XPNPEP3: variants seen among roughly 807,000 people sequenced by gnomAD.
XPNPEP3 encodes X-prolyl aminopeptidase 3, also known as xaa-Pro aminopeptidase 3.
XPNPEP3 carries 41 observed loss-of-function variants against 60.0 expected under a neutral mutation model. That is an observed-to-expected ratio of 0.68 (90% confidence interval 0.53 to 0.89). The LOEUF (loss-of-function observed/expected upper bound fraction) is 0.89, where lower values mean the gene tolerates loss of function less well. Ranked by LOEUF, XPNPEP3 falls within the 40% of genes least tolerant of loss-of-function variation. The pLI is 0.00. For synonymous variants in XPNPEP3, 212 were observed against 223.2 expected (o/e 0.95, Z 0.45); for missense variants, 598 against 638.9 (o/e 0.94, Z 0.69).
intron 1 of XPNPEP3, 128 bp downstream of exon 1, chr22:40,857,373 C>T (rs569891723): frequency 1.9e-6 from 2 of 1,057,894 alleles, no homozygotes; most frequent in East Asian, 2.6e-5. Context: ...CTCTGTGCTC[C>T]GCGGATTTCT....
chr22:40,868,827 C>G (rs761734820), intron 1 of XPNPEP3, among the ~76,000 whole-genome samples, 172 bp from the exon 2 acceptor site: 2 of 151,614 alleles, frequency 1.3e-5, no homozygotes, highest in Non-Finnish European at 1.5e-5. Context: ...GCCTGGGTGA[C>G]AGAGTGAGAC....
intron 2 of XPNPEP3, among the ~76,000 whole-genome samples, chr22:40,881,023 A>G (rs1226043484): frequency 2.0e-5 from 3 of 152,012 alleles, no homozygotes; most frequent in African/African-American, 7.3e-5. Context: ...TATGTGACAT[A>G]CCAAAAACTC....
At chr22:40,901,458 C>CTGAGA (rs1190319660) in intron 4 of XPNPEP3, among the ~76,000 whole-genome samples, 1 of 152,106 alleles carries the variant, frequency 6.6e-6, no homozygotes, top group Non-Finnish European at 1.5e-5. Flanking sequence ...TGGTCTCTAA[C>CTGAGA]TCCCGAACTC....
At chr22:40,916,137 C>T (rs980126820) in intron 7 of XPNPEP3, among the ~76,000 whole-genome samples, 1 of 151,752 alleles carries the variant, frequency 6.6e-6, no homozygotes, top group African/African-American at 2.4e-5. Flanking sequence ...ACTAAAAATA[C>T]AAAAATTAGC....
chr22:40,924,630 C>A, intron 9 of XPNPEP3, 148 bp downstream of exon 9: 1 of 1,198,772 alleles, frequency 8.3e-7, no homozygotes, highest in African/African-American at 1.5e-5. Context: ...TTCAGCAATT[C>A]TCCTGCCTCA....
chr22:40,887,917 T>G (rs995512164), intron 4 of XPNPEP3, among the ~76,000 whole-genome samples: 1 of 152,176 alleles, frequency 6.6e-6, no homozygotes, highest in African/African-American at 2.4e-5. Flanking sequence ...GCCATTGACT[T>G]AATTTAAAAA....
intron 1 of XPNPEP3, chr22:40,861,692 A>G (rs1284856082): frequency 6.2e-7 from 1 of 1,614,140 alleles, no homozygotes; most frequent in Non-Finnish European, 8.5e-7. Context: ...CCCTTTCATG[A>G]AAAATTTCTT....
intron 9 of XPNPEP3, 89 bp from the exon 10 acceptor site, chr22:40,926,180 G>A: frequency 2.2e-6 from 3 of 1,378,378 alleles, no homozygotes; most frequent in Non-Finnish European, 2.1e-6. Flanking sequence ...TACAGAGGAA[G>A]GAATTTTAAC....
chr22:40,858,755 C>G (rs2057922312), intron 1 of XPNPEP3, among the ~76,000 whole-genome samples: 1 of 152,024 alleles, frequency 6.6e-6, no homozygotes, highest in African/African-American at 2.4e-5. Flanking sequence ...TGGTTTTGAA[C>G]CCCTGACCTC....
At position 40,932,454 on chromosome 22, in the gene XPNPEP3, A is replaced by G. The variant is rs2058258108; in HGVS notation, c.*6019A>G. On this transcript the variant is annotated 3_prime_UTR_variant, in exon 10 of 10. Transcript: ENST00000357137. ...ATGCTCCTAATGAAAAGATGAATGA[A>G]TGCATCATTAAACCTTAACAGTAGA... 2 of 151,744 alleles carry G rather than the reference A, an allele frequency of 1.3e-5. No homozygotes were observed. The highest frequency in any genetic ancestry group is 2.1e-4 in the South Asian group (1 of 4,794). The allele number at this position is 151,744 out of a possible 1,614,324, so 9.4% of individuals were successfully genotyped here.
At chr22:40,910,012 A>C (rs2058171396) in intron 6 of XPNPEP3, among the ~76,000 whole-genome samples, 1 of 151,920 alleles carries the variant, frequency 6.6e-6, no homozygotes, top group South Asian at 2.1e-4. Flanking sequence ...TTCCCATGTG[A>C]CTATACAAGG....
chr22:40,886,298 G>T lies in XPNPEP3; in HGVS notation c.590-15G>T, dbSNP rs200588476. The T allele has an allele frequency of 1.9e-6, 3 of 1,613,012 alleles. No individual in the cohort carries two copies. In the Admixed American group the frequency reaches 5.0e-5, roughly 27 times the overall value. ...AGTTTTGTTTTAAATTTATTTTTCG[G>T]CTTCTCATTCTAAGCTGAGACGAAC... On this transcript the variant is annotated splice_polypyrimidine_tract_variant and intron_variant, in intron 3 of 9. Transcript: ENST00000357137.
intron 4 of XPNPEP3, among the ~76,000 whole-genome samples, chr22:40,893,946 C>T (rs1569024022): frequency 6.6e-6 from 1 of 152,188 alleles, no homozygotes; most frequent in South Asian, 2.1e-4. Flanking sequence ...ATTTTGAGGA[C>T]ATATGTCACT....
chr22:40,892,828 T>C (rs920225419), intron 4 of XPNPEP3, among the ~76,000 whole-genome samples: 2 of 152,088 alleles, frequency 1.3e-5, no homozygotes, highest in African/African-American at 2.4e-5. Flanking sequence ...CACCAAGTTA[T>C]ACCTTGTTAT....
intron 8 of XPNPEP3, among the ~76,000 whole-genome samples, chr22:40,922,916 A>ATG (rs2058222235): frequency 6.6e-6 from 1 of 152,246 alleles, no homozygotes; most frequent in Non-Finnish European, 1.5e-5. Context: ...ATGGCAGCAC[A>ATG]TGCTGATTCA....
Position 40,881,926 on chromosome 22 carries a change from A to G in XPNPEP3, c.338A>G (p.Tyr113Cys), listed in dbSNP as rs777370901. Residue 113 changes from tyrosine to cysteine, a missense_variant, in exon 3 of 10, where the codon TAT becomes TGT. Coordinates refer to ENST00000357137, the MANE Select transcript of XPNPEP3 (RefSeq NM_022098.4). ...PTYYMSNDIPYTFHQDNNFLY... is the reference protein window; with the variant it reads ...PTYYMSNDIPCTFHQDNNFLY... ...TACTACATGAGCAACGATATTCCCTATACTTTCCACCAAGACAACAATTTC... is the reference window on the plus strand; with the variant it reads ...TACTACATGAGCAACGATATTCCCTGTACTTTCCACCAAGACAACAATTTC... 2 of 1,614,146 alleles carry G rather than the reference A, an allele frequency of 1.2e-6. No homozygotes were observed. Among genetic ancestry groups the G allele is most frequent in the Non-Finnish European group, 1.7e-6 (2 of 1,180,022 alleles).
chr22:40,862,042 G>A, intron 1 of XPNPEP3: 5 of 1,536,162 alleles, frequency 3.3e-6, no homozygotes, highest in Non-Finnish European at 4.4e-6. Flanking sequence ...TGAGAACCGT[G>A]GTTTCCTCAG....
intron 2 of XPNPEP3, among the ~76,000 whole-genome samples, chr22:40,877,677 G>T (rs2058032652): frequency 6.6e-6 from 1 of 152,108 alleles, no homozygotes; most frequent in Non-Finnish European, 1.5e-5. Context: ...ATCTTAAGTG[G>T]TTCCACATCA....
intron 8 of XPNPEP3, among the ~76,000 whole-genome samples, chr22:40,923,503 T>G (rs1232534912): frequency 6.6e-6 from 1 of 151,968 alleles, no homozygotes; most frequent in Non-Finnish European, 1.5e-5. Context: ...TCAGTAAAAA[T>G]GAAGCTATAA....
Sources: allele counts gnomAD v4.1 joint callset (sites outside exome capture counted in the v4.1 genomes callset), GRCh38; gene constraint gnomAD v4.1.1; transcripts MANE v1.5; gene names NCBI Gene and HGNC (gene_info 2026-07-23, HGNC 2026-07-21).